The following YJU2 variants were observed in gnomAD, a reference collection of about 807,000 sequenced individuals.
YJU2 encodes the protein YJU2 splicing factor homolog.
A neutral mutation model predicts 39.6 loss-of-function variants in YJU2; 28 were observed. That is an observed-to-expected ratio of 0.71 (90% CI 0.52 to 0.97). The LOEUF (loss-of-function observed/expected upper bound fraction) is 0.97, where lower values mean the gene tolerates loss of function less well. Ranked by LOEUF, YJU2 falls within the 50% of genes least tolerant of loss-of-function variation. The pLI is 0.00. For missense variants in YJU2, 328 were observed against 430.4 expected (o/e 0.76, Z 2.11); for synonymous variants, 184 against 182.4 (o/e 1.01, Z -0.07).
intron 7 of YJU2, among the ~76,000 whole-genome samples, chr19:4,268,237 G>A (rs1322912581): frequency 2.0e-5 from 3 of 152,166 alleles, no homozygotes; most frequent in Non-Finnish European, 4.4e-5. Context: ...GAGCCACCGC[G>A]CCCGGCCTGT....
At chr19:4,267,334 G>A (rs1034136201) in intron 6 of YJU2, among the ~76,000 whole-genome samples, 1 of 152,182 alleles carries the variant, frequency 6.6e-6, no homozygotes, top group South Asian at 2.1e-4. Flanking sequence ...GCATGGAAAA[G>A]GGGGCATCCC....
At chr19:4,262,637 A>C (rs955473472) in intron 6 of YJU2, among the ~76,000 whole-genome samples, 2 of 151,674 alleles carry the variant, frequency 1.3e-5, no homozygotes, top group African/African-American at 4.8e-5. Context: ...GGCGGGGTGC[A>C]GTGGCTCATG....
At chr19:4,267,877 G>GT in intron 7 of YJU2, 103 bp downstream of exon 7, 3 of 1,104,530 alleles carry the variant, frequency 2.7e-6, no homozygotes, top group Non-Finnish European at 3.8e-6. Flanking sequence ...GTGGGTGGGG[G>GT]CGGCCTGCGA....
Position 4,255,720 on chromosome 19 carries a change from T to C in YJU2, c.405+1231T>C, listed in dbSNP as rs1480819866. ...TCCAGCCTGGGTGACAGAGCAAGAT[T>C]CTGTGTCAAAAAAAAAAAAAAAAAA... is the stretch of plus-strand genomic sequence containing the variant. On this transcript the variant is annotated intron_variant, in intron 4 of 7. Transcript: ENST00000262962. Among the ~76,000 whole-genome samples the C allele has an allele frequency of 1.1e-4, 12 of 113,254 alleles. No individual in the cohort carries two copies. The South Asian group carries it at 1.8e-3, about 17-fold the overall frequency. 74.3% of individuals were successfully genotyped at this position (113,254 alleles called of 152,430 possible). A position where few individuals can be genotyped will look rare whatever the true frequency, so the allele number is the denominator to read the frequency against.
At chr19:4,262,401 T>C (rs1196918508) in intron 6 of YJU2, among the ~76,000 whole-genome samples, 4 of 152,054 alleles carry the variant, frequency 2.6e-5, no homozygotes, top group Non-Finnish European at 1.5e-5. Context: ...GGTTTCACCA[T>C]GTTGGGAAGG....
At chr19:4,251,626 A>T (rs1324137184) in intron 3 of YJU2, among the ~76,000 whole-genome samples, 1 of 150,992 alleles carries the variant, frequency 6.6e-6, no homozygotes, top group Non-Finnish European at 1.5e-5. Flanking sequence ...CAGAGGTTGC[A>T]GTGAGCGAAG....
chr19:4,259,071 C>CTTTTTTTTT lies in YJU2; in HGVS notation c.587+669_587+677dup, dbSNP rs34728075. ...TCAGGCCTCCTGGGTGAACACTTTT[C>CTTTTTTTTT]TTTTTTTTTTTTTTTTTTTTTTTTT... is the stretch of plus-strand genomic sequence containing the variant. On this transcript the variant is annotated intron_variant, in intron 5 of 7. Coordinates refer to ENST00000262962, the MANE Select transcript of YJU2 (RefSeq NM_018074.6). Among the ~76,000 whole-genome samples the CTTTTTTTTT allele has an allele frequency of 4.4e-4, 40 of 90,300 alleles. 2 individuals are homozygous for CTTTTTTTTT. The highest frequency in any genetic ancestry group is 1.4e-3 in the African/African-American group (27 of 19,402). 59.2% of individuals were successfully genotyped at this position (90,300 alleles called of 152,430 possible). A position where few individuals can be genotyped will look rare whatever the true frequency, so the allele number is the denominator to read the frequency against.
Position 4,268,651 on chromosome 19 carries a change from A to T in YJU2, c.927A>T (p.Gln309His). 6.2e-7 allele frequency: 1 copy of T among 1,613,966 alleles called. No homozygotes were observed. Among genetic ancestry groups the T allele is most frequent in the South Asian group, 1.1e-5 (1 of 91,068 alleles). ...PLTPGASSLS[Q>H]LGAYLDSDDS... ...CGCCTGGCGCGTCCTCCCTGAGCCAACTGGGTGCATACCTGGACAGTGACG... is the reference window on the plus strand; with the variant it reads ...CGCCTGGCGCGTCCTCCCTGAGCCATCTGGGTGCATACCTGGACAGTGACG... Residue 309 changes from glutamine to histidine, a missense_variant, in exon 8 of 8, where the codon CAA becomes CAT. Around this residue, in one of 2 missense-constraint regions of YJU2, gnomAD observed 244 missense variants for 264.6 expected, o/e 0.92. Transcript: ENST00000262962.
intron 5 of YJU2, among the ~76,000 whole-genome samples, chr19:4,260,242 G>A (rs185599974): frequency 1.6e-4 from 24 of 152,024 alleles, no homozygotes; most frequent in African/African-American, 5.6e-4. Context: ...TGGCCAACAT[G>A]GCGAAACCCC....
chr19:4,265,221 T>C (rs1316974425), intron 6 of YJU2, among the ~76,000 whole-genome samples: 1 of 152,074 alleles, frequency 6.6e-6, no homozygotes. Flanking sequence ...TAGGAAGGAA[T>C]ATCTCCACAC....
intron 1 of YJU2, among the ~76,000 whole-genome samples, chr19:4,248,439 T>G (rs767427704): frequency 3.9e-5 from 6 of 152,196 alleles, no homozygotes; most frequent in Non-Finnish European, 8.8e-5. Context: ...AACTGAGCCC[T>G]GCAGGTTTCA....
chr19:4,257,634 C>T (rs1483850999), intron 4 of YJU2, among the ~76,000 whole-genome samples: 1 of 152,148 alleles, frequency 6.6e-6, no homozygotes, highest in East Asian at 1.9e-4. Flanking sequence ...CCACTACGCC[C>T]AGCTACTTTT....
rs1416843227 is a variant in YJU2 at position 4,258,388 on chromosome 19, G to T, written c.552G>T (p.Arg184=). 3 of 1,597,484 alleles carry T rather than the reference G, an allele frequency of 1.9e-6. No individual in the cohort carries two copies. The highest frequency in any genetic ancestry group is 1.3e-5 in the African/African-American group (1 of 74,828). ...ACCGCCTGTCGGAGGAGGAGCGGCG[G>T]AGGCAGCAGCAGGAGGAGGACGAGC... is the stretch of plus-strand genomic sequence containing the variant. ...RQHRLSEEER[R]RQQQEEDEQE... Residue 184 remains arginine (R), a synonymous_variant, in exon 5 of 8, where the codon CGG becomes CGT. Transcript: ENST00000262962.
At chr19:4,250,173 C>T (rs1464235283) in intron 2 of YJU2, among the ~76,000 whole-genome samples, 1 of 152,196 alleles carries the variant, frequency 6.6e-6, no homozygotes, top group East Asian at 1.9e-4. Flanking sequence ...CATACCTTTT[C>T]ATGCTCTAGC....
intron 2 of YJU2, among the ~76,000 whole-genome samples, chr19:4,250,379 C>G (rs899502252): frequency 3.3e-5 from 5 of 152,076 alleles, no homozygotes; most frequent in African/African-American, 1.2e-4. Flanking sequence ...CCTCATGGAG[C>G]CCACAGTCTA....
intron 5 of YJU2, 138 bp downstream of exon 5, chr19:4,258,561 C>A: frequency 7.4e-7 from 1 of 1,360,042 alleles, no homozygotes; most frequent in Non-Finnish European, 9.8e-7. Context: ...ATCTCACTTT[C>A]TCCCTTGTGG....
chr19:4,249,713 T>TG lies in YJU2; in HGVS notation c.125+385_125+386insG, dbSNP rs1481178058. Among the ~76,000 whole-genome samples the TG allele has an allele frequency of 4.6e-5, 7 of 151,900 alleles. No individual in the cohort carries two copies. The East Asian group carries it at 1.2e-3, about 25-fold the overall frequency. On this transcript the variant is annotated intron_variant, in intron 2 of 7. Coordinates refer to ENST00000262962, the MANE Select transcript of YJU2 (RefSeq NM_018074.6). ...TCCCTCTACTTTCTTTCTTTCTTTT[T>TG]TTTTTTTTGTTGAGACAGAGTCTTG...
chr19:4,254,423 C>T lies in YJU2; in HGVS notation c.339C>T (p.Leu113=), dbSNP rs369732763. 1.2e-6 allele frequency: 2 copies of T among 1,613,632 alleles called. No homozygotes were observed. The highest frequency in any genetic ancestry group is 2.2e-5 in the East Asian group (1 of 44,850). The stretch of plus-strand genomic sequence containing the variant: ...CGCGGAATTTCCAGGCTGAGAAGCT[C>T]CTGGAGGAGGAGGAGAAGAGGGTGC... ...GATRNFQAEK[L]LEEEEKRVQK... Residue 113 remains leucine, a synonymous_variant, in exon 4 of 8, where the codon CTC becomes CTT. Transcript: ENST00000262962.
chr19:4,268,153 C>G (rs1315240230), intron 7 of YJU2, among the ~76,000 whole-genome samples: 2 of 152,012 alleles, frequency 1.3e-5, no homozygotes, highest in Non-Finnish European at 2.9e-5. Flanking sequence ...CCATGTTGGT[C>G]AGGCTGGTCT....
Sources: allele counts gnomAD v4.1 joint callset (sites outside exome capture counted in the v4.1 genomes callset), GRCh38; gene constraint gnomAD v4.1.1; regional missense constraint gnomAD v4.1.1; transcripts MANE v1.5; gene names NCBI Gene and HGNC (gene_info 2026-07-23, HGNC 2026-07-21).